PGM2L1: variants seen among roughly 807,000 people sequenced by gnomAD.
PGM2L1 encodes glucose 1,6-bisphosphate synthase.
PGM2L1 carries 35 observed loss-of-function variants against 73.4 expected under a neutral mutation model. That is an observed-to-expected ratio of 0.48 (90% confidence interval 0.36 to 0.63). PGM2L1 has a LOEUF of 0.63. Among genes scored for constraint, PGM2L1 ranks in the 30% least tolerant of loss-of-function variants. PGM2L1 has a pLI of 0.00. For missense variants in PGM2L1, 570 were observed against 742.0 expected (o/e 0.77, Z 2.69); for synonymous variants, 225 against 253.8 (o/e 0.89, Z 1.08).
intron 1 of PGM2L1, among the ~76,000 whole-genome samples, chr11:74,395,346 A>C (rs1399937728): frequency 6.6e-6 from 1 of 152,006 alleles, no homozygotes; most frequent in Non-Finnish European, 1.5e-5. Context: ...TTAAGAATTT[A>C]TCTTCCACTT....
At position 74,352,818 on chromosome 11, in the gene PGM2L1, G is replaced by C. The variant is rs529754721; in HGVS notation, c.556-1242C>G. ...AAAAAGCAGAATGATAAGCCTGTGG[G>C]ACTGATATTGTGGTTACCTGGGGTT... On this transcript the variant is annotated intron_variant, in intron 5 of 13. Coordinates refer to ENST00000298198, the MANE Select transcript of PGM2L1 (RefSeq NM_173582.6). 2.0e-5 allele frequency among the ~76,000 whole-genome samples: 3 copies of C among 152,332 alleles called. No homozygotes were observed. The South Asian group carries it at 6.2e-4, about 32-fold the overall frequency.
chr11:74,379,549 C>T (rs974689043), intron 1 of PGM2L1, among the ~76,000 whole-genome samples: 1 of 152,150 alleles, frequency 6.6e-6, no homozygotes, highest in African/African-American at 2.4e-5. Flanking sequence ...CAAAACCTAA[C>T]AGCTTAAATA....
Position 74,330,567 on chromosome 11 carries a change from A to C in PGM2L1, c.*6085T>G, listed in dbSNP as rs78478064. The C allele has an allele frequency of 7.6e-3, 1,167 of 152,768 alleles. 28 individuals are homozygous for C. The highest frequency in any genetic ancestry group is 0.063 in the East Asian group (327 of 5,190). 9.5% of individuals were successfully genotyped at this position (152,768 alleles called of 1,614,324 possible). ...GCATAAATTTTACCTGGCATATTCA[A>C]TGAGGCATACAAAGAGTTTATTCTA... On this transcript the variant is annotated 3_prime_UTR_variant, in exon 14 of 14. Transcript: ENST00000298198.
chr11:74,392,491 T>C (rs964290976), intron 1 of PGM2L1, among the ~76,000 whole-genome samples: 2 of 151,988 alleles, frequency 1.3e-5, no homozygotes, highest in African/African-American at 4.8e-5. Flanking sequence ...TCCATGGCAA[T>C]TTATTCTGCA....
chr11:74,394,678 C>T (rs1236006351), intron 1 of PGM2L1, among the ~76,000 whole-genome samples: 1 of 152,172 alleles, frequency 6.6e-6, no homozygotes, highest in African/African-American at 2.4e-5. Context: ...ATTAAAATTT[C>T]TCTCTATGCT....
intron 5 of PGM2L1, among the ~76,000 whole-genome samples, chr11:74,351,970 AAAT>A (rs199915178): frequency 3.2e-5 from 3 of 92,966 alleles, no homozygotes; most frequent in African/African-American, 6.7e-5. Context: ...TCAAAAAAAA[AAAT>A]AAATAAAAAT....
At chr11:74,347,893 A>G (rs1396467461) in intron 6 of PGM2L1, among the ~76,000 whole-genome samples, 1 of 152,178 alleles carries the variant, frequency 6.6e-6, no homozygotes, top group African/African-American at 2.4e-5. Flanking sequence ...TGGACACCCA[A>G]TGCTGCCAGG....
At position 74,346,790 on chromosome 11, in the gene PGM2L1, C is replaced by T. The variant is rs1187463456; in HGVS notation, c.979G>A (p.Val327Ile). ...GCATCAGGATCTGTGGCTAGCACTA[C>T]CCGGGCATTTTCTTTCTCTGCCAGT... ...LRLAEKENARVVLATDPDADR... is the reference protein window; with the variant it reads ...LRLAEKENARIVLATDPDADR... The change falls in exon 8 of 14, where the codon GTA becomes ATA. Residue 327 changes from valine to isoleucine, a missense_variant. Physicochemically the swap from Val to Ile is conservative, Grantham distance 29. Transcript: ENST00000298198. The T allele has an allele frequency of 6.2e-7, 1 of 1,613,980 alleles. No homozygotes were observed. Among genetic ancestry groups the T allele is most frequent in the African/African-American group, 1.3e-5 (1 of 74,916 alleles).
rs1353633525 is a variant in PGM2L1, at chr11:74,398,115, G to T, written c.47C>A (p.Ala16Asp). 2 of 1,613,174 alleles carry T rather than the reference G, an allele frequency of 1.2e-6. No individual in the cohort carries two copies. Among genetic ancestry groups the T allele is most frequent in the African/African-American group, 2.7e-5 (2 of 74,926 alleles). Residue 16 changes from alanine (A) to aspartate (D), a missense_variant, in exon 1 of 14, where the codon GCC (alanine) becomes GAC (aspartate). Ala to Asp is a moderately radical substitution (Grantham distance 126). Transcript: ENST00000298198. Reference sequence around the variant, plus strand: ...CTGAGGGTCCCCGGTGTGGTAGGGGGCGTGGAGCAGGTTGGAGTTCAGATC... The same window carrying T: ...CTGAGGGTCCCCGGTGTGGTAGGGGTCGTGGAGCAGGTTGGAGTTCAGATC... The part of the protein sequence containing the change: ...EGDLNSNLLH[A>D]PYHTGDPQLD...
chr11:74,395,549 C>CTTTTTTTTTTTTTTTTTTTTTTTTTT (rs60883108), intron 1 of PGM2L1, among the ~76,000 whole-genome samples: 2 of 64,918 alleles, frequency 3.1e-5, no homozygotes, highest in African/African-American at 1.4e-4. Context: ...CCTCGCCTGG[C>CTTTTTTTTTTTTTTTTTTTTTTTTTT]TTTTTTTTTT....
chr11:74,343,769 C>CTTTT (rs56938172), intron 9 of PGM2L1, among the ~76,000 whole-genome samples: 19 of 79,154 alleles, frequency 2.4e-4, no homozygotes, highest in African/African-American at 4.6e-4. Context: ...TTTACATTAT[C>CTTTT]TTTTTTTTTT....
At chr11:74,394,973 T>C (rs1467729358) in intron 1 of PGM2L1, among the ~76,000 whole-genome samples, 1 of 152,106 alleles carries the variant, frequency 6.6e-6, no homozygotes, top group African/African-American at 2.4e-5. Context: ...ACATATGCCA[T>C]CAATATATAA....
At chr11:74,365,516 C>A (rs1862641359) in intron 5 of PGM2L1, among the ~76,000 whole-genome samples, 1 of 152,046 alleles carries the variant, frequency 6.6e-6, no homozygotes, top group African/African-American at 2.4e-5. Context: ...AACAAATTTA[C>A]AGGAAAAAAA....
rs2134875776 is a variant in PGM2L1, at chr11:74,336,502, G to A, written c.*150C>T. 2.2e-6 allele frequency: 1 copy of A among 451,376 alleles called. No individual in the cohort carries two copies. The highest frequency in any genetic ancestry group is 3.9e-6 in the Non-Finnish European group (1 of 257,924). 28.0% of individuals were successfully genotyped at this position (451,376 alleles called of 1,614,324 possible). A position where few individuals can be genotyped will look rare whatever the true frequency, so the allele number is the denominator to read the frequency against. On this transcript the variant is annotated 3_prime_UTR_variant, in exon 14 of 14. Transcript: ENST00000298198. Reference sequence around the variant, plus strand: ...TCAAACTTATACTTTGTTTAGTCTAGCCAGTTGACCAAAAAGAAAGAAAAT... The same window carrying A: ...TCAAACTTATACTTTGTTTAGTCTAACCAGTTGACCAAAAAGAAAGAAAAT...
At chr11:74,365,602 C>A (rs1158640086) in intron 5 of PGM2L1, among the ~76,000 whole-genome samples, 1 of 152,126 alleles carries the variant, frequency 6.6e-6, no homozygotes, top group South Asian at 2.1e-4. Context: ...CCAACAGACA[C>A]ATGAAAAAAT....
At chr11:74,381,815 C>T (rs1862950737) in intron 1 of PGM2L1, among the ~76,000 whole-genome samples, 2 of 151,872 alleles carry the variant, frequency 1.3e-5, no homozygotes, top group Middle Eastern at 3.4e-3. Flanking sequence ...GGGTGAGGAA[C>T]AAGTTGGGAG....
intron 3 of PGM2L1, 131 bp from the exon 4 acceptor site, chr11:74,371,117 C>G: frequency 1.9e-6 from 1 of 520,034 alleles, no homozygotes; most frequent in Non-Finnish European, 3.2e-6. Flanking sequence ...CTTATAATCA[C>G]TGATTATTTA....
intron 10 of PGM2L1, 148 bp from the exon 11 acceptor site, chr11:74,343,162 GT>G (rs1177223593): frequency 1.5e-6 from 2 of 1,323,676 alleles, no homozygotes; most frequent in East Asian, 5.2e-5. Flanking sequence ...GGACACTTTC[GT>G]TCTTTTTTTT....
chr11:74,397,846 G>C (rs1863202148), intron 1 of PGM2L1: 2 of 720,090 alleles, frequency 2.8e-6, no homozygotes, highest in Non-Finnish European at 4.0e-6. Flanking sequence ...ACTGCAGAAG[G>C]AAGCGATGCA....
Sources: allele counts gnomAD v4.1 joint callset (sites outside exome capture counted in the v4.1 genomes callset), GRCh38; gene constraint gnomAD v4.1.1; transcripts MANE v1.5; gene names NCBI Gene and HGNC (gene_info 2026-07-23, HGNC 2026-07-21).